The following VPS13B variants were observed in gnomAD, a reference collection of about 807,000 sequenced individuals.
VPS13B encodes intermembrane lipid transfer protein VPS13B.
VPS13B carries 285 observed loss-of-function variants against 426.4 expected under a neutral mutation model. That is an observed-to-expected ratio of 0.67 (90% CI 0.61 to 0.74). The LOEUF is 0.74. Among genes scored for constraint, VPS13B ranks in the 30% least tolerant of loss-of-function variants. The pLI, the probability that VPS13B is intolerant of heterozygous loss-of-function variation, is 0.00. For synonymous variants in VPS13B, 1,676 were observed against 1,676.4 expected (o/e 1.00, Z 0.01); for missense variants, 4,537 against 4,782.6 (o/e 0.95, Z 1.51).
intron 22 of VPS13B, among the ~76,000 whole-genome samples, chr8:99,432,205 G>A (rs1407335905): frequency 6.6e-6 from 1 of 151,932 alleles, no homozygotes; most frequent in Non-Finnish European, 1.5e-5. Context: ...TATACAATTA[G>A]ATGCTTATTT....
chr8:99,618,354 G>T (rs1397526680), intron 33 of VPS13B, among the ~76,000 whole-genome samples: 1 of 150,982 alleles, frequency 6.6e-6, no homozygotes, highest in Non-Finnish European at 1.5e-5. Context: ...TTTAGAAACC[G>T]AATCACAGAA....
intron 55 of VPS13B, among the ~76,000 whole-genome samples, chr8:99,850,986 G>A (rs1181883597): frequency 6.6e-6 from 1 of 152,148 alleles, no homozygotes; most frequent in East Asian, 1.9e-4. Context: ...ATATGGTTAA[G>A]AACTCATTAA....
chr8:99,324,430 CTG>C (rs1810135557), intron 19 of VPS13B, among the ~76,000 whole-genome samples: 1 of 152,128 alleles, frequency 6.6e-6, no homozygotes, highest in African/African-American at 2.4e-5. Context: ...AAGCAATATA[CTG>C]TGTTCCTCTT....
At position 99,549,628 on chromosome 8, in the gene VPS13B, G is replaced by A. The variant is rs185814060; in HGVS notation, c.4746-6822G>A. 6.2e-3 allele frequency among the ~76,000 whole-genome samples: 940 copies of A among 152,206 alleles called. 7 individuals carry two copies. The highest frequency in any genetic ancestry group is 0.021 in the African/African-American group (882 of 41,538). On this transcript the variant is annotated intron_variant, in intron 30 of 61. Transcript: ENST00000357162. ...ACGGGATAAAATGCCAGTTTGCAAG[G>A]CAAGCCCATCTTGTGGGCTGCACCT...
chr8:99,875,315 C>G lies in VPS13B; in HGVS notation c.11746-103C>G, dbSNP rs996836150. 4.0e-6 allele frequency: 6 copies of G among 1,506,866 alleles called. No individual in the cohort carries two copies. In the African/African-American group the frequency reaches 8.2e-5, roughly 21 times the overall value. The allele number at this position is 1,506,866 out of a possible 1,614,324, so 93.3% of individuals were successfully genotyped here. On this transcript the variant is annotated intron_variant, in intron 61 of 61. Coordinates refer to ENST00000357162, the MANE Select transcript of VPS13B (RefSeq NM_152564.5). ...TGGATTAATGGCTTTAATAGATGACCTAAAAGGCATAATGTACAAATATAT... is the reference window on the plus strand; with the variant it reads ...TGGATTAATGGCTTTAATAGATGACGTAAAAGGCATAATGTACAAATATAT...
At chr8:99,680,530 GA>G (rs1187507716) in intron 35 of VPS13B, among the ~76,000 whole-genome samples, 1 of 152,182 alleles carries the variant, frequency 6.6e-6, no homozygotes, top group Non-Finnish European at 1.5e-5. Context: ...TAGCTGTTCA[GA>G]AAGTTTTGAA....
chr8:99,021,646 A>C (rs1841897461), intron 2 of VPS13B, among the ~76,000 whole-genome samples: 1 of 151,400 alleles, frequency 6.6e-6, no homozygotes, highest in Admixed American at 6.6e-5. Flanking sequence ...ACACAAAAAA[A>C]CAAAGTCTCA....
intron 33 of VPS13B, among the ~76,000 whole-genome samples, chr8:99,583,139 C>T (rs1189458849): frequency 1.3e-5 from 2 of 152,058 alleles, no homozygotes; most frequent in Non-Finnish European, 2.9e-5. Context: ...TCCTGAAGTT[C>T]TTTTTCTGCC....
intron 34 of VPS13B, among the ~76,000 whole-genome samples, chr8:99,659,866 C>T (rs1013600200): frequency 3.3e-5 from 5 of 152,112 alleles, no homozygotes; most frequent in Admixed American, 1.3e-4. Context: ...AGATCTATCA[C>T]GGTACCACTT....
intron 19 of VPS13B, among the ~76,000 whole-genome samples, chr8:99,362,033 C>T (rs1291378223): frequency 1.3e-5 from 2 of 152,068 alleles, no homozygotes; most frequent in Non-Finnish European, 2.9e-5. Context: ...AAGTCTTCTG[C>T]TCCTCTCTGT....
chr8:99,391,503 A>C (rs1458640114), intron 20 of VPS13B, 54 bp from the exon 21 acceptor site: 5 of 1,613,140 alleles, frequency 3.1e-6, no homozygotes, highest in Non-Finnish European at 3.4e-6. Context: ...TTTGCTGCTT[A>C]AGAAATAGTG....
At chr8:99,517,922 AT>A (rs551819149) in intron 29 of VPS13B, among the ~76,000 whole-genome samples, 129 of 151,022 alleles carry the variant, frequency 8.5e-4, no homozygotes, top group South Asian at 1.7e-3. Context: ...TATTTTTATT[AT>A]TTTTTTTTAC....
At chr8:99,750,003 A>T (rs1810312262) in intron 39 of VPS13B, among the ~76,000 whole-genome samples, 1 of 152,144 alleles carries the variant, frequency 6.6e-6, no homozygotes, top group African/African-American at 2.4e-5. Context: ...TTTTAAGTTT[A>T]TATGCAAATA....
At chr8:99,519,738 G>A (rs1822271099) in intron 29 of VPS13B, among the ~76,000 whole-genome samples, 1 of 149,420 alleles carries the variant, frequency 6.7e-6, no homozygotes, top group African/African-American at 2.5e-5. Context: ...ACTCGTAGGT[G>A]GGAATTGAAC....
chr8:99,070,588 GT>G (rs1844803272), intron 3 of VPS13B, among the ~76,000 whole-genome samples: 3 of 152,010 alleles, frequency 2.0e-5, no homozygotes, highest in Admixed American at 1.3e-4. Flanking sequence ...TTTTCTCTTT[GT>G]TTTTTGTTTT....
At chr8:99,281,273 C>T (rs551983489) in intron 19 of VPS13B, among the ~76,000 whole-genome samples, 2 of 152,314 alleles carry the variant, frequency 1.3e-5, no homozygotes, top group Admixed American at 6.5e-5. Flanking sequence ...TGCTGTGTGG[C>T]CCAGTTCCTA....
At chr8:99,285,708 G>C (rs1819398772) in intron 19 of VPS13B, among the ~76,000 whole-genome samples, 2 of 152,118 alleles carry the variant, frequency 1.3e-5, no homozygotes, top group African/African-American at 4.8e-5. Context: ...GAAGTTGGCT[G>C]TATAGTAGCT....
At chr8:99,839,001 T>G (rs1299884770) in intron 54 of VPS13B, among the ~76,000 whole-genome samples, 3 of 152,222 alleles carry the variant, frequency 2.0e-5, no homozygotes, top group African/African-American at 7.2e-5. Context: ...AGACCAAACC[T>G]GGCAAGGCCC....
intron 19 of VPS13B, among the ~76,000 whole-genome samples, chr8:99,339,028 A>C (rs1811086396): frequency 6.6e-6 from 1 of 152,180 alleles, no homozygotes; most frequent in East Asian, 1.9e-4. Context: ...AGAGTTGGAC[A>C]CTATTCTAAA....
Sources: gnomAD v4.1 joint callset for allele counts (sites outside exome capture counted in the v4.1 genomes callset) on GRCh38, gnomAD v4.1.1 for gene constraint, MANE v1.5 for transcripts, NCBI Gene and HGNC (gene_info 2026-07-23, HGNC 2026-07-21) for gene names.